The following ASIC2 variants were observed in gnomAD, a reference collection of about 807,000 sequenced individuals.
ASIC2 encodes the protein acid-sensing ion channel 2.
ASIC2 carries 25 observed loss-of-function variants against 57.3 expected under a neutral mutation model. The observed-to-expected ratio is 0.44, with a 90% CI of 0.32 to 0.61. ASIC2 has a LOEUF of 0.61. ASIC2 is among the 20% of genes least tolerant of loss of function. ASIC2 has a pLI of 0.06. For missense variants in ASIC2, 641 were observed against 738.1 expected (o/e 0.87, Z 1.52); for synonymous variants, 319 against 307.5 (o/e 1.04, Z -0.39).
At chr17:33,181,670 C>T (rs1299850182) in intron 1 of ASIC2, among the ~76,000 whole-genome samples, 1 of 152,192 alleles carries the variant, frequency 6.6e-6, no homozygotes, top group Non-Finnish European at 1.5e-5. Flanking sequence ...CTGGGCATCA[C>T]CCTCAATCCA....
chr17:33,720,262 G>A (rs1219660588), intron 1 of ASIC2, among the ~76,000 whole-genome samples: 1 of 152,098 alleles, frequency 6.6e-6, no homozygotes, highest in Non-Finnish European at 1.5e-5. Flanking sequence ...AAAGTAAGTG[G>A]GATCTCCAGA....
chr17:34,039,689 T>C, intron 1 of ASIC2: 3 of 1,612,368 alleles, frequency 1.9e-6, no homozygotes, highest in Non-Finnish European at 1.7e-6. Context: ...CTTTTCCGAT[T>C]TCGCTGGTCA....
chr17:33,662,424 C>T (rs1907297821), intron 1 of ASIC2, among the ~76,000 whole-genome samples: 1 of 151,848 alleles, frequency 6.6e-6, no homozygotes, highest in Non-Finnish European at 1.5e-5. Context: ...AGTTTGAGAC[C>T]AGCCTGGCCA....
intron 1 of ASIC2, among the ~76,000 whole-genome samples, chr17:33,933,644 C>T (rs562345811): frequency 1.3e-5 from 2 of 152,110 alleles, no homozygotes; most frequent in Non-Finnish European, 2.9e-5. Context: ...GGATGAGGAC[C>T]AACTTAGCAG....
intron 1 of ASIC2, chr17:34,001,701 C>T (rs2096322567): frequency 6.6e-6 from 1 of 152,264 alleles, no homozygotes. Context: ...GAGGGTATCT[C>T]CATGATGTAT....
In ASIC2 at chr17:34,139,901, G is replaced by A. The variant is rs180919889; in HGVS notation, c.555+16077C>T. ...TACACTTTATATGGGTGAATTGTATGGAATGAGAATTACATTTCAACAAAG... is the reference window on the plus strand; with the variant it reads ...TACACTTTATATGGGTGAATTGTATAGAATGAGAATTACATTTCAACAAAG... On this transcript the variant is annotated intron_variant, in intron 1 of 9. Coordinates refer to the ASIC2 transcript ENST00000359872. 9.8e-5 allele frequency among the ~76,000 whole-genome samples: 15 copies of A among 152,294 alleles called. No homozygotes were observed. In the East Asian group the frequency reaches 1.9e-3, roughly 20 times the overall value.
At chr17:33,583,179 T>G (rs1476045049) in intron 1 of ASIC2, among the ~76,000 whole-genome samples, 1 of 152,212 alleles carries the variant, frequency 6.6e-6, no homozygotes, top group African/African-American at 2.4e-5. Context: ...TTGTTTTTCT[T>G]TATTGGACTC....
intron 1 of ASIC2, among the ~76,000 whole-genome samples, chr17:33,190,755 T>C (rs953439787): frequency 6.6e-6 from 1 of 152,072 alleles, no homozygotes; most frequent in African/African-American, 2.4e-5. Context: ...AAATGCAAAT[T>C]AAAACCACAA....
chr17:34,076,770 A>C (rs1909677228), intron 1 of ASIC2, among the ~76,000 whole-genome samples: 1 of 152,234 alleles, frequency 6.6e-6, no homozygotes, highest in African/African-American at 2.4e-5. Context: ...CATGAGGCTC[A>C]GAGCAAAGCC....
At chr17:33,774,540 G>T (rs1177172278) in intron 1 of ASIC2, among the ~76,000 whole-genome samples, 1 of 152,182 alleles carries the variant, frequency 6.6e-6, no homozygotes, top group African/African-American at 2.4e-5. Flanking sequence ...TTAAGCAAGA[G>T]AAAAAAGAAG....
At chr17:33,213,085 T>C (rs1907340176) in intron 1 of ASIC2, among the ~76,000 whole-genome samples, 1 of 152,260 alleles carries the variant, frequency 6.6e-6, no homozygotes, top group Non-Finnish European at 1.5e-5. Flanking sequence ...AAACACACTC[T>C]GTGCAGATTA....
At chr17:33,704,471 C>T (rs1168101696) in intron 1 of ASIC2, among the ~76,000 whole-genome samples, 1 of 152,214 alleles carries the variant, frequency 6.6e-6, no homozygotes, top group Non-Finnish European at 1.5e-5. Flanking sequence ...CAGTAGCCCA[C>T]CCTGAATTCT....
At chr17:33,524,517 C>T (rs1914831841) in intron 1 of ASIC2, among the ~76,000 whole-genome samples, 1 of 152,262 alleles carries the variant, frequency 6.6e-6, no homozygotes, top group South Asian at 2.1e-4. Context: ...AGTATTGTTT[C>T]TGTATGTTCT....
At chr17:33,768,663 G>C (rs2142118376) in intron 1 of ASIC2, among the ~76,000 whole-genome samples, 1 of 152,306 alleles carries the variant, frequency 6.6e-6, no homozygotes, top group Middle Eastern at 3.4e-3. Context: ...GTGGTCCAGA[G>C]TGAGAACTTC....
chr17:33,140,026 T>C (rs2092381093), intron 1 of ASIC2, among the ~76,000 whole-genome samples: 1 of 152,226 alleles, frequency 6.6e-6, no homozygotes, highest in African/African-American at 2.4e-5. Context: ...TTTTCAAATG[T>C]CTTCTGGGGG....
chr17:33,382,169 C>T (rs1467446344), intron 1 of ASIC2, among the ~76,000 whole-genome samples: 1 of 152,290 alleles, frequency 6.6e-6, no homozygotes, highest in East Asian at 1.9e-4. Context: ...GAAATATTCT[C>T]AGCAGGTGGG....
chr17:33,434,150 A>T (rs1199650347), intron 1 of ASIC2, among the ~76,000 whole-genome samples: 1 of 151,866 alleles, frequency 6.6e-6, no homozygotes, highest in Non-Finnish European at 1.5e-5. Flanking sequence ...TAAATAAAAT[A>T]AATAGAACAA....
chr17:33,106,042 T>C (rs2092233118), intron 2 of ASIC2, among the ~76,000 whole-genome samples: 1 of 152,042 alleles, frequency 6.6e-6, no homozygotes, highest in African/African-American at 2.4e-5. Context: ...GAAGGTAATA[T>C]CTGAGTGAAG....
intron 1 of ASIC2, among the ~76,000 whole-genome samples, chr17:33,816,989 C>T (rs566092725): frequency 1.3e-5 from 2 of 152,366 alleles, no homozygotes; most frequent in African/African-American, 4.8e-5. Flanking sequence ...ACGGCTGACT[C>T]TGCTGAGCTC....
Sources: allele counts gnomAD v4.1 joint callset (sites outside exome capture counted in the v4.1 genomes callset), GRCh38; gene constraint gnomAD v4.1.1; transcripts MANE v1.5; gene names NCBI Gene and HGNC (gene_info 2026-07-23, HGNC 2026-07-21).